Variants in FGF14 observed in about 807,000 individuals in gnomAD.
FGF14 encodes the protein fibroblast growth factor 14.
A neutral mutation model predicts 25.5 loss-of-function variants in FGF14; 5 were observed. The observed-to-expected ratio is 0.20, with a 90% CI of 0.10 to 0.41. FGF14 has a LOEUF of 0.41. FGF14 is among the 10% of genes least tolerant of loss of function. The pLI is 1.00. For missense variants in FGF14, 222 were observed against 320.1 expected (o/e 0.69, Z 2.34); for synonymous variants, 138 against 118.3 (o/e 1.17, Z -1.08).
intron 1 of FGF14, among the ~76,000 whole-genome samples, chr13:102,234,578 AAAAAT>A (rs1206505737): frequency 4.6e-5 from 7 of 152,106 alleles, no homozygotes; most frequent in African/African-American, 9.7e-5. Context: ...TACTATAATT[AAAAAT>A]AAAATAAAAT....
chr13:102,328,487 T>C (rs934500052), intron 1 of FGF14, among the ~76,000 whole-genome samples: 3 of 152,208 alleles, frequency 2.0e-5, no homozygotes, highest in Admixed American at 2.0e-4. Context: ...CAGGTTTCTA[T>C]CCTCCTTGTA....
rs150343325 is a variant in FGF14, at chr13:102,296,940, C to T, written c.208+104531G>A. Reference sequence around the variant, plus strand: ...GTAAATCACCCCAGCATAAAAATCACACAAATATAGCAGAAGTTATCTTAC... The same window carrying T: ...GTAAATCACCCCAGCATAAAAATCATACAAATATAGCAGAAGTTATCTTAC... On this transcript the variant is annotated intron_variant, in intron 1 of 4. Coordinates refer to the FGF14 transcript ENST00000376131. 1.7e-3 allele frequency among the ~76,000 whole-genome samples: 257 copies of T among 152,166 alleles called. 1 individual carries two copies. Among genetic ancestry groups the T allele is most frequent in the African/African-American group, 5.9e-3 (244 of 41,512 alleles).
chr13:102,094,172 T>A (rs919994598), intron 1 of FGF14, among the ~76,000 whole-genome samples: 2 of 151,526 alleles, frequency 1.3e-5, no homozygotes, highest in Admixed American at 6.6e-5. Flanking sequence ...TTATCTTGAA[T>A]TGAAAATGCA....
At chr13:102,094,385 T>C (rs186971705) in intron 1 of FGF14, among the ~76,000 whole-genome samples, 1 of 152,220 alleles carries the variant, frequency 6.6e-6, no homozygotes, top group Admixed American at 6.5e-5. Context: ...CAAGAGAAGC[T>C]GTATCTGCCA....
intron 1 of FGF14, among the ~76,000 whole-genome samples, chr13:102,378,619 C>CTATATA (rs1266105817): frequency 2.3e-5 from 3 of 132,720 alleles, no homozygotes; most frequent in African/African-American, 6.0e-5. Flanking sequence ...ATCTATCTAT[C>CTATATA]TATCTATCTA....
chr13:101,765,528 G>T (rs1326749383), intron 3 of FGF14, among the ~76,000 whole-genome samples: 1 of 152,026 alleles, frequency 6.6e-6, no homozygotes, highest in Admixed American at 6.5e-5. Context: ...TGAACTGATT[G>T]CTTAGGGAAA....
chr13:101,884,455 G>T (rs966551053), intron 1 of FGF14, among the ~76,000 whole-genome samples: 6 of 152,152 alleles, frequency 3.9e-5, no homozygotes, highest in Non-Finnish European at 7.4e-5. Context: ...AATAAGTAGA[G>T]TGACACCAAG....
chr13:101,898,536 A>T (rs1329955240), intron 1 of FGF14, among the ~76,000 whole-genome samples: 1 of 152,204 alleles, frequency 6.6e-6, no homozygotes, highest in Non-Finnish European at 1.5e-5. Context: ...CAAAGAATTT[A>T]CATACAAATT....
At chr13:101,740,947 A>G (rs567552307) in intron 3 of FGF14, among the ~76,000 whole-genome samples, 1 of 152,342 alleles carries the variant, frequency 6.6e-6, no homozygotes, top group East Asian at 1.9e-4. Flanking sequence ...TGAGGGGCAA[A>G]GGTCCTTAAA....
At chr13:102,024,223 C>A (rs1425173416) in intron 1 of FGF14, among the ~76,000 whole-genome samples, 1 of 152,000 alleles carries the variant, frequency 6.6e-6, no homozygotes, top group Non-Finnish European at 1.5e-5. Flanking sequence ...AGTGTCTGTA[C>A]CATTTTACAA....
chr13:102,269,871 T>C (rs1290273802), intron 1 of FGF14, among the ~76,000 whole-genome samples: 1 of 152,102 alleles, frequency 6.6e-6, no homozygotes, highest in Non-Finnish European at 1.5e-5. Flanking sequence ...AGTGCATAGA[T>C]ACCATCTGTT....
Position 101,768,531 on chromosome 13 carries a change from A to AAC in FGF14, c.409-41722_409-41721insGT, listed in dbSNP as rs372294097. ...ATCCACCACAATATTGAAGGAGAAA[A>AAC]AGAGTGAGAGGACTAGCACTACCCA... On this transcript the variant is annotated intron_variant, in intron 3 of 4. Coordinates refer to ENST00000376143, the MANE Select transcript of FGF14 (RefSeq NM_004115.4). Among the ~76,000 whole-genome samples the AAC allele has an allele frequency of 3.7e-3, 557 of 152,274 alleles. 3 individuals are homozygous for AAC. The highest frequency in any genetic ancestry group is 0.013 in the African/African-American group (523 of 41,574).
At position 101,877,007 on chromosome 13, in the gene FGF14, G is replaced by A. The variant is rs543264519; in HGVS notation, c.194-1711C>T. Among the ~76,000 whole-genome samples the A allele has an allele frequency of 9.9e-5, 15 of 152,166 alleles. No individual in the cohort carries two copies. The East Asian group carries it at 2.7e-3, about 27-fold the overall frequency. On this transcript the variant is annotated intron_variant, in intron 1 of 4. Transcript: ENST00000376143. The stretch of plus-strand genomic sequence containing the variant: ...TTATTCTCTTGTCAAGAAAAAAAAT[G>A]AGAATATTAGTGATTTACAATTTTT...
chr13:102,011,025 T>C (rs774968810), intron 1 of FGF14, among the ~76,000 whole-genome samples: 1 of 152,178 alleles, frequency 6.6e-6, no homozygotes, highest in Non-Finnish European at 1.5e-5. Flanking sequence ...ATAATGCCAT[T>C]GTTCATTTTA....
At chr13:102,085,917 G>A (rs1332177153) in intron 1 of FGF14, among the ~76,000 whole-genome samples, 1 of 151,884 alleles carries the variant, frequency 6.6e-6, no homozygotes, top group Non-Finnish European at 1.5e-5. Flanking sequence ...CAGGAAGTTT[G>A]TTTAAGTTGC....
At chr13:102,234,063 G>A (rs1381101374) in intron 1 of FGF14, among the ~76,000 whole-genome samples, 1 of 152,156 alleles carries the variant, frequency 6.6e-6, no homozygotes, top group African/African-American at 2.4e-5. Flanking sequence ...AATGTGGAGT[G>A]GTTTAACAGG....
At chr13:101,826,078 T>G (rs908161456) in intron 3 of FGF14, among the ~76,000 whole-genome samples, 17 of 152,144 alleles carry the variant, frequency 1.1e-4, no homozygotes, top group Non-Finnish European at 2.2e-4. Context: ...GTAACTTTTA[T>G]CTATCATTTT....
chr13:101,790,822 G>C (rs2140089503), intron 3 of FGF14, among the ~76,000 whole-genome samples: 1 of 152,246 alleles, frequency 6.6e-6, no homozygotes, highest in Non-Finnish European at 1.5e-5. Context: ...GATAAATATA[G>C]ATGAAGAAGT....
intron 1 of FGF14, among the ~76,000 whole-genome samples, chr13:102,125,086 AAAACTTT>A (rs1161223083): frequency 1.3e-5 from 2 of 152,096 alleles, no homozygotes; most frequent in Non-Finnish European, 2.9e-5. Context: ...TCTCTTTTGA[AAAACTTT>A]AAACTGTGGA....
Sources: allele counts gnomAD v4.1 joint callset (sites outside exome capture counted in the v4.1 genomes callset), GRCh38; gene constraint gnomAD v4.1.1; transcripts MANE v1.5; gene names NCBI Gene and HGNC (gene_info 2026-07-23, HGNC 2026-07-21).